CTNND2: variants seen among roughly 807,000 people sequenced by gnomAD.
The protein encoded by CTNND2 is catenin delta-2.
Under a neutral mutation model 144.4 loss-of-function variants are expected in CTNND2, and 22 were observed. The ratio of observed to expected loss-of-function variants is 0.15; its 90% CI spans 0.11 to 0.22. The LOEUF (loss-of-function observed/expected upper bound fraction) is 0.22, where lower values mean the gene tolerates loss of function less well. Among genes scored for constraint, CTNND2 ranks in the 10% least tolerant of loss-of-function variants. CTNND2 has a pLI of 1.00. For missense variants in CTNND2, 1,353 were observed against 1,618.8 expected (o/e 0.84, Z 2.82); for synonymous variants, 751 against 695.6 (o/e 1.08, Z -1.25).
At chr5:11,756,077 T>C (rs1788919984) in intron 1 of CTNND2, among the ~76,000 whole-genome samples, 1 of 151,640 alleles carries the variant, frequency 6.6e-6, no homozygotes, top group Non-Finnish European at 1.5e-5. Flanking sequence ...CTAGTGTTCC[T>C]TCAAAAAGAC....
At chr5:11,256,252 A>G (rs992433903) in intron 9 of CTNND2, among the ~76,000 whole-genome samples, 9 of 152,210 alleles carry the variant, frequency 5.9e-5, no homozygotes, top group African/African-American at 2.2e-4. Flanking sequence ...TGCCTAGGTC[A>G]TATTTGTGTG....
rs75787738 is a variant in CTNND2, at chr5:11,309,723, C to T, written c.1628+36649G>A. On this transcript the variant is annotated intron_variant, in intron 9 of 21. Transcript: ENST00000304623. ...GAAGGACATGAGATTTGGGAGGGGT[C>T]GGGGCAGAATGATATCGTTTGGATT... Among the ~76,000 whole-genome samples, 43 of 152,134 alleles carry T rather than the reference C, an allele frequency of 2.8e-4. No homozygotes were observed. In the East Asian group the frequency reaches 5.4e-3, roughly 19 times the overall value.
intron 16 of CTNND2, among the ~76,000 whole-genome samples, chr5:11,039,423 A>G (rs1350166598): frequency 6.6e-6 from 1 of 152,166 alleles, no homozygotes; most frequent in African/African-American, 2.4e-5. Flanking sequence ...CACACAGTGG[A>G]CGATGGCTGT....
chr5:11,489,413 T>C (rs1368661979), intron 3 of CTNND2, among the ~76,000 whole-genome samples: 1 of 152,198 alleles, frequency 6.6e-6, no homozygotes, highest in African/African-American at 2.4e-5. Flanking sequence ...TATTCCTAGA[T>C]AAAATTTGTA....
chr5:11,465,604 A>G (rs372498441), intron 3 of CTNND2, among the ~76,000 whole-genome samples: 1 of 152,174 alleles, frequency 6.6e-6, no homozygotes, highest in Non-Finnish European at 1.5e-5. Flanking sequence ...CTGATGGGTA[A>G]TTATTTCAGC....
chr5:11,796,435 C>T (rs1791406511), intron 1 of CTNND2, among the ~76,000 whole-genome samples: 1 of 152,202 alleles, frequency 6.6e-6, no homozygotes, highest in Non-Finnish European at 1.5e-5. Flanking sequence ...CCCATAGAGC[C>T]TTATCTGAGA....
At position 11,904,013 on chromosome 5, in the gene CTNND2, A is replaced by G. The variant is rs925183981; in HGVS notation, c.-160T>C. 8.8e-6 allele frequency: 7 copies of G among 792,448 alleles called. No homozygotes were observed. The highest frequency in any genetic ancestry group is 1.2e-5 in the Non-Finnish European group (7 of 598,122). 49.1% of individuals were successfully genotyped at this position (792,448 alleles called of 1,614,324 possible). A position where few individuals can be genotyped will look rare whatever the true frequency, so the allele number is the denominator to read the frequency against. On this transcript the variant is annotated 5_prime_UTR_variant, in exon 1 of 22. Transcript: ENST00000304623. The surrounding 1 kb of genome is among the most constrained non-coding windows in gnomAD (Gnocchi z 4.2). ...GGGATGCTGGCGGGCGGCAGGGGCG[A>G]GCGCCGCGGGCGAGAGGCGGCTCCC...
intron 1 of CTNND2, among the ~76,000 whole-genome samples, chr5:11,883,505 A>G (rs1333648044): frequency 6.6e-6 from 1 of 152,190 alleles, no homozygotes; most frequent in African/African-American, 2.4e-5. Flanking sequence ...TGCAAAGGAC[A>G]TGAACTCATC....
intron 12 of CTNND2, among the ~76,000 whole-genome samples, chr5:11,133,980 G>A (rs1026341157): frequency 1.3e-5 from 2 of 152,158 alleles, no homozygotes; most frequent in Non-Finnish European, 2.9e-5. Flanking sequence ...CTGGGGAAGG[G>A]GCTTTGCAGG....
intron 21 of CTNND2, among the ~76,000 whole-genome samples, chr5:10,976,097 C>T (rs1423827500): frequency 4.2e-5 from 5 of 119,164 alleles, no homozygotes; most frequent in Middle Eastern, 4.0e-3. Context: ...CTGCTGCACC[C>T]GGAGAGACAG....
intron 1 of CTNND2, among the ~76,000 whole-genome samples, chr5:11,738,316 G>A (rs1787808049): frequency 6.6e-6 from 1 of 152,124 alleles, no homozygotes. Context: ...CAGAAAAATT[G>A]GCCTGCATAA....
At chr5:11,502,473 G>T (rs1770630357) in intron 3 of CTNND2, among the ~76,000 whole-genome samples, 1 of 152,128 alleles carries the variant, frequency 6.6e-6, no homozygotes, top group African/African-American at 2.4e-5. Context: ...ACATGGTTGA[G>T]ACCATTCATG....
intron 9 of CTNND2, among the ~76,000 whole-genome samples, chr5:11,344,300 G>C (rs1359125365): frequency 1.3e-5 from 2 of 152,012 alleles, no homozygotes; most frequent in African/African-American, 2.4e-5. Context: ...GCTGAGGCAG[G>C]AGAATGGTGT....
chr5:11,108,567 C>G (rs1752646676), intron 14 of CTNND2, among the ~76,000 whole-genome samples: 1 of 152,304 alleles, frequency 6.6e-6, no homozygotes, highest in African/African-American at 2.4e-5. Context: ...GATCAGAATC[C>G]TGTTTGAATT....
At chr5:11,617,237 C>T (rs931300227) in intron 2 of CTNND2, among the ~76,000 whole-genome samples, 5 of 152,256 alleles carry the variant, frequency 3.3e-5, no homozygotes, top group African/African-American at 7.2e-5. Context: ...TCTTGGGTTA[C>T]GACACTGATG....
chr5:11,098,092 T>C (rs895520410), intron 15 of CTNND2, among the ~76,000 whole-genome samples: 3 of 152,200 alleles, frequency 2.0e-5, no homozygotes, highest in Non-Finnish European at 1.5e-5. Flanking sequence ...ACAATACTAT[T>C]CTTCTCTGTA....
At chr5:11,684,327 C>G (rs549498681) in intron 2 of CTNND2, among the ~76,000 whole-genome samples, 15 of 152,138 alleles carry the variant, frequency 9.9e-5, no homozygotes, top group African/African-American at 3.1e-4. Flanking sequence ...TGGTCTTGAT[C>G]CCCTGACCTC....
intron 2 of CTNND2, among the ~76,000 whole-genome samples, chr5:11,609,048 C>A (rs562273354): frequency 9.4e-4 from 143 of 152,306 alleles, no homozygotes; most frequent in Non-Finnish European, 1.7e-3. Context: ...CTCTACTAGT[C>A]CTGTGAATCT....
At chr5:11,348,990 C>G (rs2149744139) in intron 8 of CTNND2, among the ~76,000 whole-genome samples, 1 of 152,204 alleles carries the variant, frequency 6.6e-6, no homozygotes, top group East Asian at 1.9e-4. Context: ...TGTCCTGGAG[C>G]TCTTTTAGAG....
Sources: allele counts gnomAD v4.1 joint callset (sites outside exome capture counted in the v4.1 genomes callset), GRCh38; gene constraint gnomAD v4.1.1; non-coding constraint Gnocchi (gnomAD v3.1); transcripts MANE v1.5; gene names NCBI Gene and HGNC (gene_info 2026-07-23, HGNC 2026-07-21).